The following KCNG3 variants were observed in gnomAD, a reference collection of about 807,000 sequenced individuals.
KCNG3 encodes voltage-gated potassium channel regulatory subunit KCNG3.
Under a neutral mutation model 29.0 loss-of-function variants are expected in KCNG3, and 15 were observed. The ratio of observed to expected loss-of-function variants is 0.52; its 90% CI spans 0.35 to 0.80. KCNG3 has a LOEUF of 0.80. KCNG3 is among the 30% of genes least tolerant of loss of function. The probability of loss-of-function intolerance (pLI) is 0.01; values close to 1 mark genes in which losing one functional copy is unlikely to be tolerated. For synonymous variants in KCNG3, 322 were observed against 248.9 expected (o/e 1.29, Z -2.76); for missense variants, 512 against 605.7 (o/e 0.85, Z 1.62).
the KCNG3 span, among the ~76,000 whole-genome samples, chr2:42,416,926 C>A: frequency 5.9e-5 from 9 of 151,784 alleles, no homozygotes; most frequent in African/African-American, 2.2e-4. Context: ...AACATCATGT[C>A]ATACCCCACA....
intron 1 of KCNG3, among the ~76,000 whole-genome samples, chr2:42,479,647 A>G (rs1432174974): frequency 6.9e-6 from 1 of 144,954 alleles, no homozygotes; most frequent in Non-Finnish European, 1.5e-5. Flanking sequence ...CCCTGTCTCA[A>G]AAAAAAAAAA....
At chr2:42,414,557 T>C in the KCNG3 span, among the ~76,000 whole-genome samples, 2 of 152,052 alleles carry the variant, frequency 1.3e-5, no homozygotes, top group African/African-American at 2.4e-5. Flanking sequence ...TCTTTTCTTT[T>C]TTTTTTTTTA....
chr2:42,488,695 AC>A (rs1296129342), intron 1 of KCNG3, among the ~76,000 whole-genome samples: 12 of 151,592 alleles, frequency 7.9e-5, no homozygotes, highest in Non-Finnish European at 1.8e-4. Flanking sequence ...GATTGCAGTC[AC>A]CCACCACCAC....
downstream of KCNG3, among the ~76,000 whole-genome samples, chr2:42,437,333 C>A (rs578188727): frequency 6.6e-6 from 1 of 152,282 alleles, no homozygotes; most frequent in Admixed American, 6.5e-5. Flanking sequence ...ACCCACGATT[C>A]TAACTTTAAA....
the KCNG3 span, among the ~76,000 whole-genome samples, chr2:42,409,830 T>C: frequency 1.3e-5 from 2 of 151,092 alleles, no homozygotes; most frequent in Non-Finnish European, 2.9e-5. Context: ...TCCCCAATAA[T>C]ACTTATTTGG....
At chr2:42,428,653 A>T in the KCNG3 span, among the ~76,000 whole-genome samples, 1 of 152,140 alleles carries the variant, frequency 6.6e-6, no homozygotes, top group Admixed American at 6.5e-5. Context: ...AAATTAGATC[A>T]AAAGAAGGGA....
the KCNG3 span, among the ~76,000 whole-genome samples, chr2:42,416,569 C>T: frequency 6.6e-6 from 1 of 152,150 alleles, no homozygotes; most frequent in African/African-American, 2.4e-5. Context: ...TGGCTCACGC[C>T]TGTAATCCCA....
chr2:42,426,424 G>A, the KCNG3 span, among the ~76,000 whole-genome samples: 1 of 152,160 alleles, frequency 6.6e-6, no homozygotes, highest in Admixed American at 6.5e-5. Context: ...CCCATTGGTT[G>A]ATACAGTACA....
chr2:42,437,939 CAAAAAAAAA>C (rs58250880), downstream of KCNG3, among the ~76,000 whole-genome samples: 1 of 74,846 alleles, frequency 1.3e-5, no homozygotes, highest in Non-Finnish European at 2.7e-5. Flanking sequence ...ACTCTGTCTC[CAAAAAAAAA>C]AAAAAAAAAA....
intron 1 of KCNG3, among the ~76,000 whole-genome samples, chr2:42,482,761 G>A (rs1040050560): frequency 3.3e-5 from 5 of 151,830 alleles, no homozygotes; most frequent in East Asian, 1.9e-4. Context: ...AGATGGTGAC[G>A]GTTGCACAAT....
chr2:42,490,296 C>G (rs1258062688), intron 1 of KCNG3, among the ~76,000 whole-genome samples: 1 of 152,084 alleles, frequency 6.6e-6, no homozygotes, highest in Non-Finnish European at 1.5e-5. Flanking sequence ...CACTCCCTGG[C>G]CAGGCGCGGT....
the KCNG3 span, among the ~76,000 whole-genome samples, chr2:42,405,671 A>G: frequency 3.3e-5 from 5 of 151,648 alleles, no homozygotes; most frequent in East Asian, 5.8e-4. Flanking sequence ...GCAGTGGCGC[A>G]ATCTCAGCTC....
chr2:42,492,703 C>T, intron 1 of KCNG3, 134 bp downstream of exon 1: 1 of 644,498 alleles, frequency 1.6e-6, no homozygotes, highest in Non-Finnish European at 2.0e-6. Flanking sequence ...TAGTTGGCCG[C>T]GCCTGGGCCT....
At chr2:42,468,278 C>T (rs549192922) in intron 1 of KCNG3, among the ~76,000 whole-genome samples, 53 of 152,176 alleles carry the variant, frequency 3.5e-4, no homozygotes, top group African/African-American at 1.3e-3. Flanking sequence ...AAAATAGACC[C>T]TTTGAATTAT....
chr2:42,454,720 AAAAG>A (rs1242372398), intron 1 of KCNG3, among the ~76,000 whole-genome samples: 1 of 152,180 alleles, frequency 6.6e-6, no homozygotes, highest in Non-Finnish European at 1.5e-5. Context: ...AAGAAAAAAA[AAAAG>A]AAAGAAAGGA....
chr2:42,487,088 C>T (rs1051177836), intron 1 of KCNG3, among the ~76,000 whole-genome samples: 2 of 144,248 alleles, frequency 1.4e-5, no homozygotes, highest in Non-Finnish European at 3.0e-5. Flanking sequence ...ACCCAGGAGG[C>T]AGAGGTTGCA....
chr2:42,430,773 A>T, the KCNG3 span, among the ~76,000 whole-genome samples: 1 of 152,076 alleles, frequency 6.6e-6, no homozygotes, highest in Non-Finnish European at 1.5e-5. Context: ...CAAAACAAAC[A>T]AACAAAAAAA....
At chr2:42,439,090 G>T (rs1390609), downstream of KCNG3, among the ~76,000 whole-genome samples, 125,708 of 152,082 alleles carry the variant, frequency 0.83, 52,236 homozygotes, top group Middle Eastern at 0.95. Context: ...TACTTATTTG[G>T]ATACATGTGG....
rs1050623923 is a variant in KCNG3 at position 42,444,844 on chromosome 2, T to C, written c.666-265A>G. Among the ~76,000 whole-genome samples the C allele has an allele frequency of 3.3e-5, 5 of 151,866 alleles. No homozygotes were observed. The highest frequency in any genetic ancestry group is 2.0e-4 in the Admixed American group (3 of 15,224). On this transcript the variant is annotated intron_variant, in intron 1 of 1. Transcript: ENST00000306078. This position sits in a 1 kb window ranked among gnomAD's most constrained non-coding sequence, Gnocchi z 5.8. ...TGGAAGGCTGAGGTGGGTGAATCGC[T>C]TGAGCCCAGGAGTTCGAGACCAACC... is the stretch of plus-strand genomic sequence containing the variant.
Sources: allele counts gnomAD v4.1 joint callset (sites outside exome capture counted in the v4.1 genomes callset), GRCh38; gene constraint gnomAD v4.1.1; non-coding constraint Gnocchi (gnomAD v3.1); transcripts MANE v1.5; gene names NCBI Gene and HGNC (gene_info 2026-07-23, HGNC 2026-07-21).